Variants in CLASP2 observed in about 807,000 individuals in gnomAD.
The protein encoded by CLASP2 is CLIP-associating protein 2.
Under a neutral mutation model 194.4 loss-of-function variants are expected in CLASP2, and 47 were observed. The ratio of observed to expected loss-of-function variants is 0.24; its 90% CI spans 0.19 to 0.31. CLASP2 has a LOEUF of 0.31. Among genes scored for constraint, CLASP2 ranks in the 10% least tolerant of loss-of-function variants. The pLI is 1.00. For missense variants in CLASP2, 1,445 were observed against 1,823.6 expected, an observed-to-expected ratio of 0.79 and a Z score of 3.78; for synonymous variants, 619 against 633.5, an observed-to-expected ratio of 0.98 and a Z score of 0.34.
At position 33,581,822 on chromosome 3, in the gene CLASP2, G is replaced by T. The variant is rs370915524; in HGVS notation, c.2346C>A (p.Leu782=). ...DTSPVRSFQP[L]GPGYGISQSS... is the part of the protein sequence containing the mutation. ...CATAACACCTGCCCGAATACGTACC[G>T]AGGGGCTGAAAAGAGCGAACAGGAC... The change falls in exon 23 of 39, where the codon CTC becomes CTA. Residue 782 remains leucine (L), a splice_region_variant and synonymous_variant. Coordinates refer to ENST00000682230, the MANE Select transcript of CLASP2 (RefSeq NM_001365631.1). The T allele has an allele frequency of 9.3e-6, 15 of 1,610,730 alleles. No homozygotes were observed. In the South Asian group the frequency reaches 1.5e-4, roughly 17 times the overall value.
chr3:33,705,553 T>G (rs963427436), intron 1 of CLASP2, among the ~76,000 whole-genome samples: 6 of 152,284 alleles, frequency 3.9e-5, no homozygotes, highest in Non-Finnish European at 4.4e-5. Flanking sequence ...GAATGAGATA[T>G]CAATAGAGCT....
At chr3:33,525,897 G>A (rs2054408781) in intron 34 of CLASP2, among the ~76,000 whole-genome samples, 1 of 152,182 alleles carries the variant, frequency 6.6e-6, no homozygotes, top group Non-Finnish European at 1.5e-5. Flanking sequence ...ACCGTTAACG[G>A]CACTGCACCT....
chr3:33,651,872 T>C (rs552255909), intron 7 of CLASP2, among the ~76,000 whole-genome samples: 8 of 152,202 alleles, frequency 5.3e-5, no homozygotes, highest in Admixed American at 2.0e-4. Flanking sequence ...TTGGCCAGGA[T>C]AGTCTCAAAC....
chr3:33,673,807 A>G (rs1283078082), intron 6 of CLASP2, among the ~76,000 whole-genome samples: 12 of 152,206 alleles, frequency 7.9e-5, no homozygotes, highest in Non-Finnish European at 2.9e-5. Context: ...TCTCTGATGA[A>G]ACAGACTTTA....
At chr3:33,709,493 G>A (rs2092895577) in intron 1 of CLASP2, among the ~76,000 whole-genome samples, 1 of 152,076 alleles carries the variant, frequency 6.6e-6, no homozygotes, top group Admixed American at 6.6e-5. Flanking sequence ...TACTTATAAG[G>A]AGGAGGCCAA....
intron 29 of CLASP2, among the ~76,000 whole-genome samples, chr3:33,555,057 T>C (rs186194755): frequency 1.3e-5 from 2 of 151,256 alleles, no homozygotes; most frequent in Non-Finnish European, 1.5e-5. Context: ...TATTTGAAAA[T>C]TGATAAAAGA....
chr3:33,600,322 A>T (rs2154251551), intron 18 of CLASP2, among the ~76,000 whole-genome samples: 1 of 152,324 alleles, frequency 6.6e-6, no homozygotes, highest in East Asian at 1.9e-4. Flanking sequence ...CCAGTTTTTT[A>T]ATCGTCAGGT....
Position 33,622,096 on chromosome 3 carries a change from A to G in CLASP2, c.1181+39T>C, listed in dbSNP as rs563545078. 3.5e-5 allele frequency: 50 copies of G among 1,421,724 alleles called. 1 individual carries two copies. The South Asian group carries it at 6.7e-4, about 19-fold the overall frequency. 88.1% of individuals were successfully genotyped at this position (1,421,724 alleles called of 1,614,324 possible). ...CAATGAATCAGTGAATACTAAATTC[A>G]TTCATAAAAAACACTTATCATAAAA... is the stretch of plus-strand genomic sequence containing the variant. On this transcript the variant is annotated intron_variant, in intron 11 of 38. Transcript: ENST00000682230.
intron 7 of CLASP2, among the ~76,000 whole-genome samples, chr3:33,651,561 T>C (rs2083215565): frequency 6.6e-6 from 1 of 152,052 alleles, no homozygotes; most frequent in Non-Finnish European, 1.5e-5. Flanking sequence ...GATAAGGGTC[T>C]GTGAATTTAT....
chr3:33,526,047 C>G (rs2054461660), intron 34 of CLASP2, among the ~76,000 whole-genome samples: 1 of 150,462 alleles, frequency 6.6e-6, no homozygotes, highest in African/African-American at 2.4e-5. Context: ...GCTGCTCCAC[C>G]AAAGCGTGGG....
chr3:33,579,552 T>C (rs2065576006), intron 23 of CLASP2, among the ~76,000 whole-genome samples: 1 of 152,166 alleles, frequency 6.6e-6, no homozygotes, highest in African/African-American at 2.4e-5. Context: ...TAACTGTTTC[T>C]AGGGTAAGTG....
chr3:33,693,255 G>C (rs1461233503), intron 2 of CLASP2, among the ~76,000 whole-genome samples: 7 of 151,982 alleles, frequency 4.6e-5, no homozygotes, highest in Non-Finnish European at 1.0e-4. Context: ...AACCAAAAAT[G>C]AATCTCAATT....
chr3:33,663,485 T>C lies in CLASP2; in HGVS notation c.675A>G (p.Glu225=). The C allele has an allele frequency of 6.2e-7, 1 of 1,612,530 alleles. No homozygotes were observed. Among genetic ancestry groups the C allele is most frequent in the Non-Finnish European group, 8.5e-7 (1 of 1,179,074 alleles). The change falls in exon 7 of 39, where the codon GAA becomes GAG. Residue 225 remains glutamate (E), a synonymous_variant. Transcript: ENST00000682230. ...RLEMIFAKFD[E]VQSSGGMILS... is the part of the protein sequence containing the mutation. ...AAATCATACCGCCTGAACTTTGCAC[T>C]TCATCAAATTTGGCAAATATCATTT...
At chr3:33,692,116 C>CT (rs1442581235) in intron 2 of CLASP2, among the ~76,000 whole-genome samples, 2 of 152,070 alleles carry the variant, frequency 1.3e-5, no homozygotes, top group African/African-American at 4.8e-5. Flanking sequence ...CTGCAGTAAG[C>CT]TAAGATCACA....
intron 9 of CLASP2, chr3:33,627,358 T>G (rs9825473): frequency 0.029 from 10,433 of 361,872 alleles, 545 homozygotes; most frequent in African/African-American, 0.15. Context: ...GTAAAATATC[T>G]AAGAATAAAT....
intron 29 of CLASP2, among the ~76,000 whole-genome samples, chr3:33,555,328 C>T (rs1248418405): frequency 6.6e-6 from 1 of 151,512 alleles, no homozygotes; most frequent in Non-Finnish European, 1.5e-5. Flanking sequence ...TTTTAACATA[C>T]CGGGCACAAT....
At chr3:33,631,943 C>T (rs1279473470) in intron 9 of CLASP2, among the ~76,000 whole-genome samples, 2 of 152,054 alleles carry the variant, frequency 1.3e-5, no homozygotes, top group Non-Finnish European at 2.9e-5. Flanking sequence ...AAATAATACT[C>T]TTATTTATGC....
At chr3:33,625,546 T>C (rs907418320) in intron 10 of CLASP2, among the ~76,000 whole-genome samples, 3 of 149,972 alleles carry the variant, frequency 2.0e-5, no homozygotes, top group Non-Finnish European at 4.4e-5. Context: ...AAGTAATGTA[T>C]CAAGTATGAT....
chr3:33,514,836 AC>A (rs2050840791), intron 36 of CLASP2, among the ~76,000 whole-genome samples: 1 of 151,932 alleles, frequency 6.6e-6, no homozygotes, highest in South Asian at 2.1e-4. Flanking sequence ...ACACACACAC[AC>A]ACCATGTGTA....
Sources: gnomAD v4.1 joint callset for allele counts (sites outside exome capture counted in the v4.1 genomes callset) on GRCh38, gnomAD v4.1.1 for gene constraint, MANE v1.5 for transcripts, NCBI Gene and HGNC (gene_info 2026-07-23, HGNC 2026-07-21) for gene names.